XPNPEP1: variants seen among roughly 807,000 people sequenced by gnomAD.
XPNPEP1 encodes the protein X-prolyl aminopeptidase 1.
A neutral mutation model predicts 92.4 loss-of-function variants in XPNPEP1; 39 were observed. The observed-to-expected ratio is 0.42, with a 90% confidence interval of 0.33 to 0.55. The LOEUF (loss-of-function observed/expected upper bound fraction) is 0.55. Among genes scored for constraint, XPNPEP1 ranks in the 20% least tolerant of loss-of-function variants. The pLI is 0.08. For synonymous variants in XPNPEP1, 307 were observed against 299.4 expected (o/e 1.03, Z -0.26); for missense variants, 654 against 856.1 (o/e 0.76, Z 2.95).
intron 15 of XPNPEP1, among the ~76,000 whole-genome samples, chr10:109,874,058 T>C (rs935698702): frequency 1.3e-5 from 2 of 152,206 alleles, no homozygotes; most frequent in Non-Finnish European, 2.9e-5. Flanking sequence ...ATTGTGCTGA[T>C]GGCTGCAAAA....
At chr10:109,899,706 C>T (rs574685429) in intron 3 of XPNPEP1, among the ~76,000 whole-genome samples, 1 of 152,324 alleles carries the variant, frequency 6.6e-6, no homozygotes, top group Admixed American at 6.5e-5. Flanking sequence ...ATCATGTCTT[C>T]CAGGAGGAGG....
intron 7 of XPNPEP1, among the ~76,000 whole-genome samples, chr10:109,887,778 T>TA (rs1463726596): frequency 4.6e-5 from 7 of 152,022 alleles, no homozygotes; most frequent in African/African-American, 1.7e-4. Flanking sequence ...GCTGAGTGGA[T>TA]AAAAAAAACT....
chr10:109,907,643 G>A (rs1849625584), intron 3 of XPNPEP1, 48 bp downstream of exon 3: 1 of 1,612,100 alleles, frequency 6.2e-7, no homozygotes, highest in South Asian at 1.1e-5. Flanking sequence ...CATTAGGGCT[G>A]GGGAAAAAAG....
intron 17 of XPNPEP1, chr10:109,871,131 G>C: frequency 2.3e-6 from 1 of 429,560 alleles, no homozygotes; most frequent in Non-Finnish European, 4.1e-6. Context: ...TGGTGAGCGG[G>C]GATAGACACC....
rs867182530 is a variant in XPNPEP1 at position 109,878,003 on chromosome 10, C to T, written c.1238G>A (p.Arg413His). 4 of 1,614,080 alleles carry T rather than the reference C, an allele frequency of 2.5e-6. No individual in the cohort carries two copies. Among genetic ancestry groups the T allele is most frequent in the Admixed American group, 3.3e-5 (2 of 59,998 alleles). ...GTCCCCCCAAATGGATCCTTACCTG[C>T]GAAACTCCTCAGCTTTGTCAGCAGC... ...ISAADKAEEF[R>H]RQQADFVDLS... The change falls in exon 13 of 21, where the codon CGC becomes CAC. Residue 413 changes from arginine (R) to histidine (H), a missense_variant. Coordinates refer to ENST00000502935, the MANE Select transcript of XPNPEP1 (RefSeq NM_020383.4).
At chr10:109,878,535 GCCTCAATGT>G (rs1311057120) in intron 12 of XPNPEP1, among the ~76,000 whole-genome samples, 1 of 151,962 alleles carries the variant, frequency 6.6e-6, no homozygotes, top group Non-Finnish European at 1.5e-5. Flanking sequence ...CTTTTTTAAG[GCCTCAATGT>G]ACATGGAAAA....
chr10:109,909,211 C>T (rs1295453722), intron 2 of XPNPEP1, among the ~76,000 whole-genome samples: 1 of 151,900 alleles, frequency 6.6e-6, no homozygotes, highest in Non-Finnish European at 1.5e-5. Context: ...GCAGAGCTTG[C>T]AGTGAGCCAG....
At chr10:109,866,958 G>A (rs1207472884) in intron 20 of XPNPEP1, among the ~76,000 whole-genome samples, 1 of 152,214 alleles carries the variant, frequency 6.6e-6, no homozygotes, top group Non-Finnish European at 1.5e-5. Flanking sequence ...AAATGGCCTG[G>A]CTTAAACTTC....
chr10:109,918,965 AAAAG>A (rs1238893422), intron 1 of XPNPEP1, among the ~76,000 whole-genome samples: 8 of 151,996 alleles, frequency 5.3e-5, no homozygotes, highest in African/African-American at 4.8e-5. Flanking sequence ...GGAAGGAAAG[AAAAG>A]AAAGAAAGAA....
chr10:109,905,705 G>A (rs1356345573), intron 3 of XPNPEP1, among the ~76,000 whole-genome samples: 1 of 152,118 alleles, frequency 6.6e-6, no homozygotes, highest in East Asian at 1.9e-4. Flanking sequence ...TAAAATAAAT[G>A]TCATATTATA....
intron 8 of XPNPEP1, chr10:109,884,429 C>G (rs528533910): frequency 2.0e-5 from 7 of 357,512 alleles, no homozygotes; most frequent in Non-Finnish European, 3.1e-5. Context: ...GAACTGCCCC[C>G]ACAAGGAGTT....
At position 109,865,274 on chromosome 10, in the gene XPNPEP1, A is replaced by C. The variant is rs1261350941; in HGVS notation, c.1911T>G (p.Asp637Glu). The change falls in exon 21 of 21, where the codon GAT becomes GAG. Residue 637 changes from aspartate (D) to glutamate (E), a missense_variant. Asp to Glu is a conservative substitution (Grantham distance 45). Transcript: ENST00000502935. ...WLNNYHLTCR[D>E]VIGKELQKQG... ...GTTTCTGCAATTCCTTCCCAATCAC[A>C]TCCCTGCAGGTCAGGTGGTAATTGT... 6.2e-7 allele frequency: 1 copy of C among 1,614,026 alleles called. No homozygotes were observed. Among genetic ancestry groups the C allele is most frequent in the Admixed American group, 1.7e-5 (1 of 59,996 alleles).
intron 3 of XPNPEP1, among the ~76,000 whole-genome samples, chr10:109,906,545 C>A (rs1401496969): frequency 6.6e-6 from 1 of 152,196 alleles, no homozygotes; most frequent in Non-Finnish European, 1.5e-5. Context: ...CATTCACAAT[C>A]TGGAGTTGTG....
intron 10 of XPNPEP1, 50 bp from the exon 11 acceptor site, chr10:109,880,981 C>G (rs752557342): frequency 1.3e-6 from 2 of 1,555,304 alleles, no homozygotes; most frequent in South Asian, 1.1e-5. Context: ...TCCACCCACC[C>G]AAGACCAAGG....
chr10:109,889,347 C>T (rs1006277873), intron 5 of XPNPEP1, among the ~76,000 whole-genome samples: 9 of 152,158 alleles, frequency 5.9e-5, no homozygotes, highest in African/African-American at 2.2e-4. Flanking sequence ...GGATTACAGG[C>T]TCAAAATTAC....
chr10:109,870,084 A>G (rs1185316362), intron 18 of XPNPEP1, 55 bp from the exon 19 acceptor site: 2 of 1,588,320 alleles, frequency 1.3e-6, no homozygotes, highest in African/African-American at 2.7e-5. Context: ...AGATGTCTAC[A>G]GAGAGAAACT....
At chr10:109,875,192 A>G (rs1042691209) in intron 15 of XPNPEP1, among the ~76,000 whole-genome samples, 4 of 152,210 alleles carry the variant, frequency 2.6e-5, no homozygotes, top group Non-Finnish European at 5.9e-5. Context: ...GGGGCAGCTG[A>G]GAGTACAGGG....
In XPNPEP1 at chr10:109,891,747, G is replaced by A. The variant is rs756712307; in HGVS notation, c.390C>T (p.Asp130=). 1.0e-5 allele frequency: 16 copies of A among 1,591,368 alleles called. No homozygotes were observed. The Admixed American group carries it at 2.0e-4, about 20-fold the overall frequency. Residue 130 remains aspartate (D), a synonymous_variant, in exon 5 of 21, where the codon GAC becomes GAT. Transcript: ENST00000502935. Reference sequence around the variant, plus strand: ...CCATCTTCATAAGTGTCCAGTTGCTGTCCATTTGCTTGGCAGCCTGGAGAA... The same window carrying A: ...CCATCTTCATAAGTGTCCAGTTGCTATCCATTTGCTTGGCAGCCTGGAGAA... The part of the protein sequence containing the change: ...RYFLQAAKQM[D]SNWTLMKMGL...
chr10:109,885,385 T>G (rs1192948192), intron 8 of XPNPEP1, among the ~76,000 whole-genome samples: 1 of 152,238 alleles, frequency 6.6e-6, no homozygotes, highest in Non-Finnish European at 1.5e-5. Flanking sequence ...ATACGTGATT[T>G]TTTTTTTCTT....
Sources: gnomAD v4.1 joint callset for allele counts (sites outside exome capture counted in the v4.1 genomes callset) on GRCh38, gnomAD v4.1.1 for gene constraint, MANE v1.5 for transcripts, NCBI Gene and HGNC (gene_info 2026-07-23, HGNC 2026-07-21) for gene names.